Variants in CFAP61 observed in about 807,000 individuals in gnomAD.
CFAP61 encodes cilia and flagella associated protein 61.
CFAP61 carries 107 observed loss-of-function variants against 135.6 expected under a neutral mutation model. That is an observed-to-expected ratio of 0.79 (90% CI 0.67 to 0.93). CFAP61 has a LOEUF of 0.93. Ranked by LOEUF, CFAP61 falls within the 40% of genes least tolerant of loss-of-function variation. CFAP61 has a pLI of 0.00. For missense variants in CFAP61, 1,507 were observed against 1,556.2 expected (o/e 0.97, Z 0.53); for synonymous variants, 575 against 578.5 (o/e 0.99, Z 0.09).
At chr20:20,111,470 A>G (rs1229406137) in intron 8 of CFAP61, among the ~76,000 whole-genome samples, 6 of 152,220 alleles carry the variant, frequency 3.9e-5, no homozygotes, top group Admixed American at 3.9e-4. Flanking sequence ...AGGCACCAGT[A>G]TGCTTTTTCC....
At chr20:20,172,947 C>T (rs1412849440) in intron 13 of CFAP61, among the ~76,000 whole-genome samples, 1 of 152,216 alleles carries the variant, frequency 6.6e-6, no homozygotes, top group African/African-American at 2.4e-5. Context: ...CTGTTCGTCC[C>T]TCGTTTCCCA....
intron 9 of CFAP61, among the ~76,000 whole-genome samples, chr20:20,154,016 T>G (rs999122458): frequency 6.6e-6 from 1 of 152,090 alleles, no homozygotes; most frequent in Non-Finnish European, 1.5e-5. Flanking sequence ...TACACCATGA[T>G]CAAGTGGGTT....
chr20:20,295,816 G>A (rs559749958), intron 24 of CFAP61, among the ~76,000 whole-genome samples: 14 of 150,584 alleles, frequency 9.3e-5, no homozygotes, highest in Middle Eastern at 6.9e-3. Flanking sequence ...GGAAACACAC[G>A]GGAATGAGCA....
intron 25 of CFAP61, among the ~76,000 whole-genome samples, chr20:20,300,375 C>T (rs955629492): frequency 1.3e-5 from 2 of 152,124 alleles, no homozygotes; most frequent in East Asian, 1.9e-4. Context: ...GGCAGCTCCA[C>T]GTGTGTTATT....
At chr20:20,143,471 T>G (rs1883945) in intron 9 of CFAP61, among the ~76,000 whole-genome samples, 137,260 of 152,218 alleles carry the variant, frequency 0.9, 62,708 homozygotes, top group Middle Eastern at 0.99. Context: ...GAAGCTGATT[T>G]AATGGAATTA....
chr20:20,198,528 A>G (rs543636956), intron 16 of CFAP61, among the ~76,000 whole-genome samples: 1 of 152,334 alleles, frequency 6.6e-6, no homozygotes, highest in East Asian at 1.9e-4. Context: ...TCACATATTC[A>G]TTTAAAACAA....
At chr20:20,151,201 A>G (rs1364517385) in intron 9 of CFAP61, among the ~76,000 whole-genome samples, 2 of 152,156 alleles carry the variant, frequency 1.3e-5, no homozygotes, top group Admixed American at 6.5e-5. Flanking sequence ...TAGATGTCAT[A>G]AAGAAAGAAA....
Position 20,090,996 on chromosome 20 carries a change from G to T in CFAP61, c.699+20G>T, listed in dbSNP as rs1244826137. On this transcript the variant is annotated intron_variant, in intron 7 of 26. Transcript: ENST00000245957. ...TGTGAGGTCAGTGACTGATTCATGT[G>T]GGAACACACTTAGTGAGAGGAAGGA... 1 of 1,613,488 alleles carries T rather than the reference G, an allele frequency of 6.2e-7. No individual in the cohort carries two copies. The highest frequency in any genetic ancestry group is 1.1e-5 in the South Asian group (1 of 91,010).
At chr20:20,221,674 C>T (rs901908471) in intron 17 of CFAP61, 9 of 152,146 alleles carry the variant, frequency 5.9e-5, no homozygotes, top group Non-Finnish European at 1.3e-4. Context: ...GCATGTGTCT[C>T]AGTAACAAAA....
chr20:20,106,287 C>T (rs1177772280), intron 8 of CFAP61, among the ~76,000 whole-genome samples: 1 of 151,968 alleles, frequency 6.6e-6, no homozygotes, highest in East Asian at 1.9e-4. Flanking sequence ...CTTGGTGAGC[C>T]TTTTGGTTAT....
chr20:20,327,366 T>C (rs2057791419), intron 25 of CFAP61, among the ~76,000 whole-genome samples: 1 of 152,220 alleles, frequency 6.6e-6, no homozygotes, highest in African/African-American at 2.4e-5. Flanking sequence ...CAAGTAATTT[T>C]TTAAAGAGAA....
intron 8 of CFAP61, among the ~76,000 whole-genome samples, chr20:20,118,154 C>G (rs1206637800): frequency 6.6e-6 from 1 of 151,986 alleles, no homozygotes; most frequent in African/African-American, 2.4e-5. Flanking sequence ...GCATCCTTGT[C>G]TTGTTCTAGA....
At chr20:20,207,453 G>A (rs1027542456) in intron 17 of CFAP61, among the ~76,000 whole-genome samples, 2 of 152,222 alleles carry the variant, frequency 1.3e-5, no homozygotes, top group African/African-American at 4.8e-5. Context: ...AAGTGCCTCC[G>A]GACGCATCAG....
At chr20:20,171,574 A>C (rs889227825) in intron 13 of CFAP61, among the ~76,000 whole-genome samples, 1 of 152,178 alleles carries the variant, frequency 6.6e-6, no homozygotes, top group South Asian at 2.1e-4. Flanking sequence ...ATTTTCGTTC[A>C]TGTTTTTGTT....
intron 17 of CFAP61, 55 bp from the exon 18 acceptor site, chr20:20,228,194 T>G: frequency 6.4e-7 from 1 of 1,551,970 alleles, no homozygotes; most frequent in Non-Finnish European, 8.8e-7. Flanking sequence ...TTTGAGGGTA[T>G]GAACACTGCT....
chr20:20,337,223 A>G (rs931560104), intron 25 of CFAP61, among the ~76,000 whole-genome samples: 2 of 151,934 alleles, frequency 1.3e-5, no homozygotes, highest in African/African-American at 2.4e-5. Context: ...GCCTCACTAG[A>G]CCTGTTAGGA....
At chr20:20,201,575 C>T (rs2056622703) in intron 17 of CFAP61, among the ~76,000 whole-genome samples, 1 of 152,188 alleles carries the variant, frequency 6.6e-6, no homozygotes, top group Admixed American at 6.5e-5. Flanking sequence ...TGGGAACAGA[C>T]TGCTTTGGAA....
chr20:20,054,015 T>TTTTTTTTTG (rs2044041119), intron 1 of CFAP61, among the ~76,000 whole-genome samples: 1 of 105,654 alleles, frequency 9.5e-6, no homozygotes, highest in African/African-American at 4.0e-5. Flanking sequence ...TTTTGTTTGT[T>TTTTTTTTTG]TTTTTTTTTT....
At chr20:20,173,218 T>C (rs2054359060) in intron 13 of CFAP61, among the ~76,000 whole-genome samples, 1 of 152,244 alleles carries the variant, frequency 6.6e-6, no homozygotes, top group South Asian at 2.1e-4. Context: ...TGAGCAGTTA[T>C]GAATAAAGCT....
Sources: gnomAD v4.1 joint callset for allele counts (sites outside exome capture counted in the v4.1 genomes callset) on GRCh38, gnomAD v4.1.1 for gene constraint, MANE v1.5 for transcripts, NCBI Gene and HGNC (gene_info 2026-07-23, HGNC 2026-07-21) for gene names.